RIPOR2: variants seen among roughly 807,000 people sequenced by gnomAD.
The protein encoded by RIPOR2 is rho family-interacting cell polarization regulator 2.
A neutral mutation model predicts 114.5 loss-of-function variants in RIPOR2; 39 were observed. The observed-to-expected ratio is 0.34, with a 90% CI of 0.26 to 0.44. The LOEUF (loss-of-function observed/expected upper bound fraction) is 0.44, where lower values mean the gene tolerates loss of function less well. Ranked by LOEUF, RIPOR2 falls within the 20% of genes least tolerant of loss-of-function variation. The pLI, the probability that RIPOR2 is intolerant of heterozygous loss-of-function variation, is 1.00. For synonymous variants in RIPOR2, 445 were observed against 484.4 expected (o/e 0.92, Z 1.07); for missense variants, 1,007 against 1,255.1 (o/e 0.80, Z 2.99).
intron 1 of RIPOR2, among the ~76,000 whole-genome samples, chr6:24,961,516 A>G (rs556551544): frequency 6.6e-6 from 1 of 152,258 alleles, no homozygotes; most frequent in African/African-American, 2.4e-5. Context: ...AACCTCTCCA[A>G]GCCTCACTTT....
chr6:24,809,561 C>T (rs554858303), intron 21 of RIPOR2, among the ~76,000 whole-genome samples, 156 bp downstream of exon 21: 3 of 152,300 alleles, frequency 2.0e-5, no homozygotes, highest in South Asian at 2.1e-4. Flanking sequence ...ATCAGTTCTT[C>T]GTACTCTGTG....
chr6:24,882,386 A>G (rs1009685605), intron 1 of RIPOR2, among the ~76,000 whole-genome samples: 1 of 152,202 alleles, frequency 6.6e-6, no homozygotes. Context: ...TGAATCTTCA[A>G]ACTCACTTGT....
chr6:24,936,738 G>A (rs970965004), upstream of RIPOR2, among the ~76,000 whole-genome samples: 2 of 152,132 alleles, frequency 1.3e-5, no homozygotes, highest in African/African-American at 2.4e-5. Flanking sequence ...GCTACCCAAC[G>A]TGTGCCAAAT....
intron 1 of RIPOR2, among the ~76,000 whole-genome samples, chr6:25,003,060 T>C (rs1222920867): frequency 1.3e-5 from 2 of 152,228 alleles, no homozygotes; most frequent in Non-Finnish European, 2.9e-5. Context: ...GGTTAAAACA[T>C]GGAACAGGTT....
chr6:24,927,219 T>C (rs62647287), intron 1 of RIPOR2, among the ~76,000 whole-genome samples: 12 of 27,184 alleles, frequency 4.4e-4, no homozygotes, highest in East Asian at 2.0e-3. Flanking sequence ...CCACCACCAC[T>C]ACCACCAGCA....
intron 1 of RIPOR2, among the ~76,000 whole-genome samples, chr6:24,999,122 A>C (rs1476781550): frequency 6.6e-6 from 1 of 152,186 alleles, no homozygotes; most frequent in African/African-American, 2.4e-5. Context: ...TGGTTACAGG[A>C]GAATAAAAAT....
At chr6:24,974,551 A>G (rs1773947011) in intron 1 of RIPOR2, among the ~76,000 whole-genome samples, 1 of 152,236 alleles carries the variant, frequency 6.6e-6, no homozygotes, top group Admixed American at 6.5e-5. Context: ...TGGAGCCCCT[A>G]TACATTGCTG....
At chr6:24,913,095 T>G (rs1366105815) in intron 1 of RIPOR2, among the ~76,000 whole-genome samples, 6 of 152,076 alleles carry the variant, frequency 3.9e-5, no homozygotes, top group Non-Finnish European at 7.4e-5. Flanking sequence ...CAACTTACCC[T>G]ATTGGGCTGA....
intron 1 of RIPOR2, among the ~76,000 whole-genome samples, chr6:24,885,801 A>G (rs1367553926): frequency 6.6e-6 from 1 of 152,190 alleles, no homozygotes; most frequent in Non-Finnish European, 1.5e-5. Context: ...ATAATAATTT[A>G]AATAATAAGG....
At chr6:24,852,314 C>G (rs1376425079) in intron 9 of RIPOR2, among the ~76,000 whole-genome samples, 1 of 151,646 alleles carries the variant, frequency 6.6e-6, no homozygotes, top group African/African-American at 2.4e-5. Context: ...AATGGTTCAG[C>G]AAAATAATAG....
At chr6:24,908,376 C>T (rs971411471) in intron 1 of RIPOR2, among the ~76,000 whole-genome samples, 1 of 152,238 alleles carries the variant, frequency 6.6e-6, no homozygotes, top group South Asian at 2.1e-4. Context: ...ACCCAAGGGA[C>T]TATTGTATGT....
intron 12 of RIPOR2, among the ~76,000 whole-genome samples, chr6:24,846,301 C>CTTTTTTTT (rs1233193249): frequency 2.2e-5 from 2 of 91,724 alleles, no homozygotes; most frequent in African/African-American, 4.7e-5. Context: ...TTTCACCTGC[C>CTTTTTTTT]TTTTTTTTTT....
intron 1 of RIPOR2, among the ~76,000 whole-genome samples, chr6:24,922,535 T>G (rs75174451): frequency 6.6e-6 from 1 of 151,570 alleles, no homozygotes; most frequent in East Asian, 1.9e-4. Flanking sequence ...TGTTTTTTTT[T>G]GTACCCATTC....
chr6:25,019,788 A>G (rs1171185975), intron 1 of RIPOR2, among the ~76,000 whole-genome samples: 3 of 149,808 alleles, frequency 2.0e-5, no homozygotes, highest in African/African-American at 7.3e-5. Flanking sequence ...AAAAAAAAAA[A>G]AAAAAAAAAA....
intron 12 of RIPOR2, among the ~76,000 whole-genome samples, chr6:24,844,311 A>G (rs1208926678): frequency 6.6e-6 from 1 of 152,124 alleles, no homozygotes; most frequent in Non-Finnish European, 1.5e-5. Flanking sequence ...GAGAGGCCAG[A>G]AATATCCAGG....
At chr6:24,941,240 C>T (rs2114177061) in intron 1 of RIPOR2, among the ~76,000 whole-genome samples, 1 of 152,226 alleles carries the variant, frequency 6.6e-6, no homozygotes, top group Non-Finnish European at 1.5e-5. Flanking sequence ...TCCATTCCTT[C>T]CACTTACGAA....
intron 7 of RIPOR2, among the ~76,000 whole-genome samples, chr6:24,862,794 G>A (rs1247046618): frequency 2.8e-5 from 3 of 105,316 alleles, no homozygotes; most frequent in South Asian, 6.1e-4. Context: ...TTCCTCCCCC[G>A]ACCACTGGCA....
At chr6:24,820,321 G>C (rs1185859166) in intron 19 of RIPOR2, among the ~76,000 whole-genome samples, 3 of 152,172 alleles carry the variant, frequency 2.0e-5, no homozygotes, top group Non-Finnish European at 4.4e-5. Flanking sequence ...GTGAGCCACT[G>C]CACACGGCCC....
At chr6:24,991,370 T>G (rs1774806481) in intron 1 of RIPOR2, among the ~76,000 whole-genome samples, 1 of 152,218 alleles carries the variant, frequency 6.6e-6, no homozygotes, top group Non-Finnish European at 1.5e-5. Context: ...AATTTGACAA[T>G]TTTAATTTAG....
Sources: gnomAD v4.1 joint callset for allele counts (sites outside exome capture counted in the v4.1 genomes callset) on GRCh38, gnomAD v4.1.1 for gene constraint, MANE v1.5 for transcripts, NCBI Gene and HGNC (gene_info 2026-07-23, HGNC 2026-07-21) for gene names.